The following PHLPP2 variants were observed in gnomAD, a reference collection of about 807,000 sequenced individuals.
The protein encoded by PHLPP2 is PH domain leucine-rich repeat-containing protein phosphatase 2.
PHLPP2 carries 66 observed loss-of-function variants against 124.9 expected under a neutral mutation model. The ratio of observed to expected loss-of-function variants is 0.53; its 90% CI spans 0.43 to 0.65. The LOEUF (loss-of-function observed/expected upper bound fraction) is 0.65. PHLPP2 is among the 30% of genes least tolerant of loss of function. PHLPP2 has a pLI of 0.00. For missense variants in PHLPP2, 1,685 were observed against 1,600.4 expected, an observed-to-expected ratio of 1.05 and a Z score of -0.90; for synonymous variants, 681 against 624.7, an observed-to-expected ratio of 1.09 and a Z score of -1.34.
chr16:71,647,762 A>G lies in PHLPP2; in HGVS notation c.*1128T>C, dbSNP rs1567609663. ...AATTCTCTTTTTCTGATCTAGGGAG[A>G]AGTAGTCTAGGTCCTCACGCCTTCC... On this transcript the variant is annotated 3_prime_UTR_variant, in exon 19 of 19. Coordinates refer to ENST00000568954, the MANE Select transcript of PHLPP2 (RefSeq NM_015020.3). The G allele has an allele frequency of 6.6e-6, 1 of 152,084 alleles. No homozygotes were observed. Among genetic ancestry groups the G allele is most frequent in the South Asian group, 2.1e-4 (1 of 4,820 alleles). 9.4% of individuals were successfully genotyped at this position (152,084 alleles called of 1,614,324 possible).
At chr16:71,652,200 A>G (rs1386575831) in intron 18 of PHLPP2, among the ~76,000 whole-genome samples, 1 of 152,218 alleles carries the variant, frequency 6.6e-6, no homozygotes, top group Non-Finnish European at 1.5e-5. Context: ...CAAACAATCC[A>G]ATTTACAGTT....
At chr16:71,671,689 C>G (rs966707713) in intron 10 of PHLPP2, among the ~76,000 whole-genome samples, 4 of 151,850 alleles carry the variant, frequency 2.6e-5, no homozygotes, top group African/African-American at 9.7e-5. Flanking sequence ...CCAAGGCAGG[C>G]AGATCACAAG....
chr16:71,672,321 C>G lies in PHLPP2; in HGVS notation c.1473G>C (p.Arg491Ser), dbSNP rs764209734. The G allele has an allele frequency of 1.2e-6, 2 of 1,612,380 alleles. No homozygotes were observed. Among genetic ancestry groups the G allele is most frequent in the South Asian group, 1.1e-5 (1 of 91,014 alleles). Residue 491 changes from arginine to serine, a missense_variant and splice_region_variant, in exon 10 of 19, where the codon AGG (arginine) becomes AGC (serine). Physicochemically the swap from Arg to Ser is moderately radical, Grantham distance 110. Transcript: ENST00000568954. The stretch of plus-strand genomic sequence containing the variant: ...CTGGATAGACGTTCACTGCTGTCAG[C>G]CCTAATCCAAAAACAAACAGGTGTT... ...SLRTLYASSN[R>S]LTAVNVYPVP... is the part of the protein sequence containing the mutation.
chr16:71,702,896 C>A (rs564282196), intron 2 of PHLPP2, among the ~76,000 whole-genome samples, 165 bp from the exon 3 acceptor site: 22 of 152,072 alleles, frequency 1.4e-4, no homozygotes, highest in Non-Finnish European at 2.8e-4. Flanking sequence ...GTAATCCTCA[C>A]CTGAATCATG....
chr16:71,668,415 C>CAAAAA (rs34860764), intron 11 of PHLPP2, among the ~76,000 whole-genome samples: 3 of 26,930 alleles, frequency 1.1e-4, no homozygotes, highest in South Asian at 2.0e-3. Flanking sequence ...GACTCTGTCT[C>CAAAAA]AAAAAAAAAA....
At chr16:71,705,636 C>T (rs950976838) in intron 2 of PHLPP2, among the ~76,000 whole-genome samples, 8 of 152,058 alleles carry the variant, frequency 5.3e-5, no homozygotes, top group South Asian at 2.1e-4. Context: ...CTCAGCCTCC[C>T]GAGTAGCTGG....
chr16:71,715,368 C>T (rs1037880712), intron 1 of PHLPP2: 1 of 152,182 alleles, frequency 6.6e-6, no homozygotes, highest in African/African-American at 2.4e-5. Context: ...GACCTTGTCT[C>T]TCAAAAATAG....
At chr16:71,718,312 G>A (rs1339216396) in intron 1 of PHLPP2, among the ~76,000 whole-genome samples, 1 of 152,186 alleles carries the variant, frequency 6.6e-6, no homozygotes, top group Non-Finnish European at 1.5e-5. Flanking sequence ...GGGCGCAGTG[G>A]CTCACACCTG....
chr16:71,653,080 TCCTGC>T, intron 17 of PHLPP2, 59 bp from the exon 18 acceptor site: 1 of 1,004,218 alleles, frequency 1.0e-6, no homozygotes, highest in South Asian at 1.4e-5. Flanking sequence ...AAAGTGGTGG[TCCTGC>T]ACGTACATCC....
intron 1 of PHLPP2, chr16:71,723,761 C>A: frequency 1.5e-6 from 2 of 1,303,074 alleles, no homozygotes; most frequent in Admixed American, 5.4e-5. Context: ...GTCCATCCGC[C>A]TCCTCACCTT....
chr16:71,682,219 T>G (rs933637444), intron 5 of PHLPP2, among the ~76,000 whole-genome samples: 6 of 118,912 alleles, frequency 5.0e-5, no homozygotes, highest in Non-Finnish European at 5.8e-5. Flanking sequence ...TGTTTTTGGG[T>G]TTTTTTTTTT....
At chr16:71,695,053 G>A (rs571146897) in intron 3 of PHLPP2, among the ~76,000 whole-genome samples, 1 of 152,158 alleles carries the variant, frequency 6.6e-6, no homozygotes, top group East Asian at 1.9e-4. Context: ...CCAAAGTGCT[G>A]GGATTACAGG....
chr16:71,691,396 G>A (rs1003238688), intron 3 of PHLPP2, among the ~76,000 whole-genome samples: 2 of 151,952 alleles, frequency 1.3e-5, no homozygotes, highest in South Asian at 2.1e-4. Flanking sequence ...AGAAGGCAAA[G>A]CTTGCAGTGA....
intron 2 of PHLPP2, among the ~76,000 whole-genome samples, chr16:71,713,031 T>C (rs2045333914): frequency 6.6e-6 from 1 of 152,226 alleles, no homozygotes; most frequent in South Asian, 2.1e-4. Flanking sequence ...ATGCATAGTA[T>C]AAGACTATTA....
chr16:71,678,198 T>C (rs1287259519), intron 8 of PHLPP2: 1 of 152,162 alleles, frequency 6.6e-6, no homozygotes, highest in Admixed American at 6.6e-5. Context: ...TATACACTGA[T>C]GGGAGGGTAA....
intron 3 of PHLPP2, among the ~76,000 whole-genome samples, chr16:71,697,343 G>A (rs1361730266): frequency 6.6e-6 from 1 of 152,044 alleles, no homozygotes. Flanking sequence ...GGGGTTTTAG[G>A]AACCAGGTAG....
intron 3 of PHLPP2, among the ~76,000 whole-genome samples, chr16:71,700,519 C>CTTTTTTTTT (rs1234453846): frequency 1.1e-4 from 9 of 83,348 alleles, no homozygotes; most frequent in Admixed American, 1.7e-4. Context: ...TGACTCATTT[C>CTTTTTTTTT]TTTTTTTTTT....
At chr16:71,684,894 C>A (rs189714785) in intron 4 of PHLPP2, among the ~76,000 whole-genome samples, 2 of 152,164 alleles carry the variant, frequency 1.3e-5, no homozygotes, top group South Asian at 2.1e-4. Context: ...TCCACTATGT[C>A]CCCCTTACTG....
At chr16:71,679,678 C>T in intron 6 of PHLPP2, 143 bp from the exon 7 acceptor site, 1 of 680,302 alleles carries the variant, frequency 1.5e-6, no homozygotes, top group Non-Finnish European at 2.4e-6. Flanking sequence ...GCACTCGCTG[C>T]ATATCAAACA....
Sources: gnomAD v4.1 joint callset for allele counts (sites outside exome capture counted in the v4.1 genomes callset) on GRCh38, gnomAD v4.1.1 for gene constraint, MANE v1.5 for transcripts, NCBI Gene and HGNC (gene_info 2026-07-23, HGNC 2026-07-21) for gene names.